Variants in SEL1L3 observed in about 807,000 individuals in gnomAD.
SEL1L3 encodes the protein SEL1L family member 3, also known as protein sel-1 homolog 3.
A neutral mutation model predicts 142.8 loss-of-function variants in SEL1L3; 76 were observed. The ratio of observed to expected loss-of-function variants is 0.53; its 90% CI spans 0.44 to 0.64. SEL1L3 has a LOEUF of 0.64. Ranked by LOEUF, SEL1L3 falls within the 30% of genes least tolerant of loss-of-function variation. The pLI, the probability that SEL1L3 is intolerant of heterozygous loss-of-function variation, is 0.00. For synonymous variants in SEL1L3, 504 were observed against 519.6 expected, an observed-to-expected ratio of 0.97 and a Z score of 0.41; for missense variants, 1,262 against 1,381.7, an observed-to-expected ratio of 0.91 and a Z score of 1.37.
At chr4:25,817,813 A>T (rs919841410) in intron 9 of SEL1L3, among the ~76,000 whole-genome samples, 4 of 152,028 alleles carry the variant, frequency 2.6e-5, no homozygotes, top group Admixed American at 2.0e-4. Context: ...GATTTTTTTT[A>T]AAACATATAC....
intron 23 of SEL1L3, chr4:25,756,880 T>A: frequency 7.8e-7 from 1 of 1,285,426 alleles, no homozygotes; most frequent in Non-Finnish European, 1.0e-6. Flanking sequence ...GCTTTGGCGC[T>A]GTGTTTTCAG....
At chr4:25,789,226 C>G (rs1273698872) in intron 12 of SEL1L3, among the ~76,000 whole-genome samples, 1 of 152,118 alleles carries the variant, frequency 6.6e-6, no homozygotes, top group Non-Finnish European at 1.5e-5. Context: ...ATACTTATAA[C>G]TTCCAGCAAA....
chr4:25,824,694 C>T (rs1272827236), intron 6 of SEL1L3, among the ~76,000 whole-genome samples: 2 of 152,032 alleles, frequency 1.3e-5, no homozygotes, highest in African/African-American at 4.8e-5. Context: ...TTTGGAAGGC[C>T]GAGGTGGGGG....
rs769906678 is a variant in SEL1L3 at position 25,757,723 on chromosome 4, G to T, written c.3151C>A (p.Arg1051=). 9 of 1,598,000 alleles carry T rather than the reference G, an allele frequency of 5.6e-6. No individual in the cohort carries two copies. In the South Asian group the frequency reaches 6.8e-5, roughly 12 times the overall value. ...TGCAGGATAGCACCCCAGAGAAGCCGCAAGTGCAGGTAAAGCCAGGCCAAG... is the reference window on the plus strand; with the variant it reads ...TGCAGGATAGCACCCCAGAGAAGCCTCAAGTGCAGGTAAAGCCAGGCCAAG... ...CSLAWLYLHL[R]LLWGAILHSA... is the part of the protein sequence containing the mutation. The change falls in exon 22 of 24, where the codon CGG becomes AGG. Residue 1051 remains arginine, a synonymous_variant. Transcript: ENST00000399878.
intron 23 of SEL1L3, among the ~76,000 whole-genome samples, chr4:25,754,605 CT>C (rs1005600871): frequency 6.6e-6 from 1 of 150,434 alleles, no homozygotes; most frequent in African/African-American, 2.4e-5. Flanking sequence ...TTTTCTTTTT[CT>C]TTTTTTTTAT....
chr4:25,760,811 C>T (rs1010195176), intron 20 of SEL1L3, among the ~76,000 whole-genome samples: 26 of 152,136 alleles, frequency 1.7e-4, no homozygotes, highest in African/African-American at 5.3e-4. Context: ...TTGCCATATG[C>T]GAGGCATTGT....
At chr4:25,728,185 G>A in the SEL1L3 span, among the ~76,000 whole-genome samples, 9 of 152,134 alleles carry the variant, frequency 5.9e-5, no homozygotes, top group East Asian at 1.9e-4. Context: ...CTGGGTTTCC[G>A]TAAGTGATGC....
chr4:25,729,033 C>T, the SEL1L3 span, among the ~76,000 whole-genome samples: 3 of 144,726 alleles, frequency 2.1e-5, no homozygotes, highest in African/African-American at 8.4e-5. Context: ...TGTCACCAGA[C>T]GTTTTTTTTT....
intron 1 of SEL1L3, among the ~76,000 whole-genome samples, chr4:25,859,422 T>C (rs2109329124): frequency 6.6e-6 from 1 of 152,314 alleles, no homozygotes; most frequent in East Asian, 1.9e-4. Flanking sequence ...GCTTTGGCAG[T>C]ATCCTAGCTA....
At chr4:25,743,061 G>A (rs1394335995), downstream of SEL1L3, among the ~76,000 whole-genome samples, 1 of 152,146 alleles carries the variant, frequency 6.6e-6, no homozygotes, top group Non-Finnish European at 1.5e-5. Flanking sequence ...ATAGGGAATG[G>A]TGGTGACTGC....
the SEL1L3 span, among the ~76,000 whole-genome samples, chr4:25,732,084 G>A: frequency 6.6e-6 from 1 of 151,968 alleles, no homozygotes; most frequent in Non-Finnish European, 1.5e-5. Flanking sequence ...AGGAAGGAAG[G>A]AAGGAAGGGA....
intron 2 of SEL1L3, 91 bp from the exon 3 acceptor site, chr4:25,835,414 C>T (rs1257295891): frequency 1.4e-6 from 2 of 1,408,482 alleles, no homozygotes; most frequent in East Asian, 2.3e-5. Flanking sequence ...TGCTGAGCTC[C>T]AATCAAACAT....
intron 3 of SEL1L3, among the ~76,000 whole-genome samples, chr4:25,833,925 GTGA>G (rs1715604328): frequency 6.6e-6 from 1 of 152,154 alleles, no homozygotes; most frequent in Non-Finnish European, 1.5e-5. Flanking sequence ...TTAATAAGAG[GTGA>G]TATGATAAGA....
In SEL1L3 at chr4:25,819,875, A is replaced by G. The variant is rs183378275; in HGVS notation, c.1356T>C (p.Ala452=). Residue 452 remains alanine, a synonymous_variant, in exon 8 of 24, where the codon GCT becomes GCC. Coordinates refer to ENST00000399878, the MANE Select transcript of SEL1L3 (RefSeq NM_015187.5). ...EQIKLYYERC[A]EVQEIVSVYA... is the part of the protein sequence containing the mutation. ...ACACAGATACTATTTCTTGAACCTC[A>G]GCACACCTTTCATAATATAACTTGA... 9.4e-5 allele frequency: 152 copies of G among 1,613,470 alleles called. No homozygotes were observed. The East Asian group carries it at 3.3e-3, about 35-fold the overall frequency.
chr4:25,752,345 A>C (rs1054253163), intron 23 of SEL1L3, among the ~76,000 whole-genome samples: 1 of 141,152 alleles, frequency 7.1e-6, no homozygotes, highest in African/African-American at 2.7e-5. Context: ...TGAACCCCGG[A>C]GGCGGTGGTT....
intron 23 of SEL1L3, among the ~76,000 whole-genome samples, chr4:25,750,561 C>A (rs1388812691): frequency 2.0e-5 from 3 of 152,206 alleles, no homozygotes; most frequent in African/African-American, 7.2e-5. Context: ...CCTACTTCAT[C>A]TGGGCCTCTG....
At chr4:25,714,460 C>G in the SEL1L3 span, among the ~76,000 whole-genome samples, 10 of 151,200 alleles carry the variant, frequency 6.6e-5, no homozygotes, top group African/African-American at 2.4e-4. Flanking sequence ...TGTATATGGA[C>G]AATAAAATAA....
At chr4:25,745,940 C>T (rs184020253), downstream of SEL1L3, among the ~76,000 whole-genome samples, 1 of 152,362 alleles carries the variant, frequency 6.6e-6, no homozygotes, top group East Asian at 1.9e-4. Flanking sequence ...AGCAGAGTCA[C>T]TCTCTGGCCC....
intron 6 of SEL1L3, among the ~76,000 whole-genome samples, chr4:25,823,734 A>G (rs1324844062): frequency 6.6e-6 from 1 of 152,102 alleles, no homozygotes; most frequent in Non-Finnish European, 1.5e-5. Context: ...AGAGGGAAAG[A>G]AAACAAAGTG....
Sources: gnomAD v4.1 joint callset for allele counts (sites outside exome capture counted in the v4.1 genomes callset) on GRCh38, gnomAD v4.1.1 for gene constraint, MANE v1.5 for transcripts, NCBI Gene and HGNC (gene_info 2026-07-23, HGNC 2026-07-21) for gene names.